Variants in DNAH8 observed in about 807,000 individuals in gnomAD.
DNAH8 encodes dynein axonemal heavy chain 8.
A neutral mutation model predicts 562.1 loss-of-function variants in DNAH8; 382 were observed. The ratio of observed to expected loss-of-function variants is 0.68; its 90% CI spans 0.63 to 0.74. The LOEUF is 0.74. Ranked by LOEUF, DNAH8 falls within the 30% of genes least tolerant of loss-of-function variation. The pLI is 0.00. For missense variants in DNAH8, 5,203 were observed against 5,620.4 expected (o/e 0.93, Z 2.37); for synonymous variants, 1,881 against 1,919.4 (o/e 0.98, Z 0.52).
intron 86 of DNAH8, among the ~76,000 whole-genome samples, 176 bp from the exon 87 acceptor site, chr6:38,984,030 A>G (rs1165152460): frequency 6.6e-6 from 1 of 152,184 alleles, no homozygotes; most frequent in Non-Finnish European, 1.5e-5. Flanking sequence ...AACAAACTGT[A>G]GTGGTTCCAG....
At chr6:38,930,099 G>A (rs913570669) in intron 75 of DNAH8, among the ~76,000 whole-genome samples, 2 of 152,182 alleles carry the variant, frequency 1.3e-5, no homozygotes, top group African/African-American at 4.8e-5. Context: ...TGGAGAAAAT[G>A]ACATTTTAAT....
Position 38,805,606 on chromosome 6 carries a change from G to C in DNAH8, c.3150+10G>C. 2 of 1,416,278 alleles carry C rather than the reference G, an allele frequency of 1.4e-6. No individual in the cohort carries two copies. Among genetic ancestry groups the C allele is most frequent in the Non-Finnish European group, 2.0e-6 (2 of 1,002,478 alleles). The allele number at this position is 1,416,278 out of a possible 1,614,324, so 87.7% of individuals were successfully genotyped here. A position where few individuals can be genotyped will look rare whatever the true frequency, so the allele number is the denominator to read the frequency against. On this transcript the variant is annotated intron_variant, in intron 23 of 92. Transcript: ENST00000327475. Reference sequence around the variant, plus strand: ...AGATGAATTTAAAAAGGTATTTATTGTGGAACAACTTCATGCAATTCACAG... The same window carrying C: ...AGATGAATTTAAAAAGGTATTTATTCTGGAACAACTTCATGCAATTCACAG...
chr6:38,759,466 T>C (rs1254056619), intron 10 of DNAH8, among the ~76,000 whole-genome samples: 4 of 152,220 alleles, frequency 2.6e-5, no homozygotes, highest in Admixed American at 2.6e-4. Flanking sequence ...GCTTAATCAC[T>C]ATGTCCTAAA....
chr6:38,838,498 A>G (rs1277561312), intron 33 of DNAH8, among the ~76,000 whole-genome samples: 1 of 151,712 alleles, frequency 6.6e-6, no homozygotes, highest in Non-Finnish European at 1.5e-5. Context: ...TCCCGGATTC[A>G]TGCTATTCTC....
intron 5 of DNAH8, among the ~76,000 whole-genome samples, chr6:38,736,526 A>G (rs1764101791): frequency 6.6e-6 from 1 of 152,168 alleles, no homozygotes; most frequent in Admixed American, 6.5e-5. Flanking sequence ...AAAAACCAGA[A>G]ATCATTTTTT....
chr6:38,917,305 A>G lies in DNAH8; in HGVS notation c.10207A>G (p.Ile3403Val), dbSNP rs1781378959. The G allele has an allele frequency of 7.4e-6, 12 of 1,613,566 alleles. No individual in the cohort carries two copies. The highest frequency in any genetic ancestry group is 1.0e-5 in the Non-Finnish European group (12 of 1,179,696). Reference protein sequence around the residue: ...LAKPPHLIMRIMDCVLLLFQK... With the variant: ...LAKPPHLIMRVMDCVLLLFQK... Reference sequence around the variant, plus strand: ...AAAACCACCACATCTTATTATGAGAATCATGGACTGTGTTCTGTTACTATT... The same window carrying G: ...AAAACCACCACATCTTATTATGAGAGTCATGGACTGTGTTCTGTTACTATT... Residue 3403 changes from isoleucine to valine, a missense_variant, in exon 69 of 93, where the codon ATC (isoleucine) becomes GTC (valine). Physicochemically the swap from Ile to Val is conservative, Grantham distance 29. Coordinates refer to ENST00000327475, the MANE Select transcript of DNAH8 (RefSeq NM_001206927.2).
chr6:38,720,782 T>C (rs1762690067), intron 1 of DNAH8, among the ~76,000 whole-genome samples: 2 of 152,118 alleles, frequency 1.3e-5, no homozygotes, highest in African/African-American at 4.8e-5. Context: ...GAAGGCAATA[T>C]GTGAACCCTC....
Position 38,837,955 on chromosome 6 carries a change from A to T in DNAH8, c.4379A>T (p.Asp1460Val), listed in dbSNP as rs1774434848. 6.2e-7 allele frequency: 1 copy of T among 1,612,030 alleles called. No homozygotes were observed. The highest frequency in any genetic ancestry group is 8.5e-7 in the Non-Finnish European group (1 of 1,178,776). Residue 1460 changes from aspartate to valine, a missense_variant, in exon 33 of 93, where the codon GAT becomes GTT. By Grantham distance (152) the Asp-to-Val change is radical. This residue lies in a region of DNAH8 where 2,176 missense variants were observed against 2,365.1 expected (regional missense o/e 0.92). Coordinates refer to ENST00000327475, the MANE Select transcript of DNAH8 (RefSeq NM_001206927.2). Reference sequence around the variant, plus strand: ...CCTTTGTTACAGGCCAGTTTCGATGATCTGTGGAGGAAATTTGTTACGTAT... The same window carrying T: ...CCTTTGTTACAGGCCAGTTTCGATGTTCTGTGGAGGAAATTTGTTACGTAT... ...RLQIFQASFD[D>V]LWRKFVTYSS...
chr6:38,794,970 CT>C (rs1262947515), intron 21 of DNAH8, among the ~76,000 whole-genome samples: 1 of 151,986 alleles, frequency 6.6e-6, no homozygotes, highest in Non-Finnish European at 1.5e-5. Flanking sequence ...TAGAAATTGT[CT>C]TTTTAGAGTT....
intron 60 of DNAH8, among the ~76,000 whole-genome samples, chr6:38,896,900 C>G (rs545927789): frequency 6.6e-6 from 1 of 152,308 alleles, no homozygotes; most frequent in African/African-American, 2.4e-5. Flanking sequence ...ATTCTCCTGC[C>G]TCAGCCTCCC....
chr6:38,956,290 A>G (rs1326617031), intron 82 of DNAH8, among the ~76,000 whole-genome samples: 1 of 152,134 alleles, frequency 6.6e-6, no homozygotes, highest in Non-Finnish European at 1.5e-5. Context: ...TCAGGGAACT[A>G]TCCTACCTGT....
In DNAH8 at chr6:38,848,787, A is replaced by G. The variant is rs148767488; in HGVS notation, c.5185A>G (p.Lys1729Glu). The stretch of plus-strand genomic sequence containing the variant: ...CGTCTTTGTAGGTGGAGATATTGCC[A>G]AACAGCTGCCTCAGGTAAATATGGC... ...EAVFVGGDIA[K>E]QLPQEAKRFQ... Residue 1729 changes from lysine (K) to glutamate (E), a missense_variant, in exon 37 of 93, where the codon AAA becomes GAA. Around this residue, in one of 6 missense-constraint regions of DNAH8, gnomAD observed 2,176 missense variants for 2,365.1 expected, o/e 0.92. Transcript: ENST00000327475. 6.2e-7 allele frequency: 1 copy of G among 1,613,422 alleles called. No homozygotes were observed. The highest frequency in any genetic ancestry group is 1.7e-5 in the Admixed American group (1 of 59,988).
rs545201933 is a variant in DNAH8, at chr6:38,874,469, G to A, written c.7620+1093G>A. On this transcript the variant is annotated intron_variant, in intron 52 of 92. Coordinates refer to ENST00000327475, the MANE Select transcript of DNAH8 (RefSeq NM_001206927.2). The stretch of plus-strand genomic sequence containing the variant: ...ACTGCAACCTTGAAGTCCTGGGCTC[G>A]AGCTGTCCTCCTGCCTTAGCCTTTG... Among the ~76,000 whole-genome samples the A allele has an allele frequency of 9.9e-5, 15 of 151,252 alleles. No individual in the cohort carries two copies. The South Asian group carries it at 2.7e-3, about 28-fold the overall frequency.
intron 24 of DNAH8, among the ~76,000 whole-genome samples, chr6:38,812,056 T>C (rs1275714402): frequency 1.3e-5 from 2 of 152,200 alleles, no homozygotes; most frequent in Non-Finnish European, 2.9e-5. Flanking sequence ...GCATTTTGTC[T>C]TGCAGCATCA....
At chr6:38,945,270 G>A (rs551930372) in intron 79 of DNAH8, among the ~76,000 whole-genome samples, 197 bp from the exon 80 acceptor site, 1 of 152,122 alleles carries the variant, frequency 6.6e-6, no homozygotes, top group African/African-American at 2.4e-5. Flanking sequence ...TTATAAGATG[G>A]TATAAATCAG....
chr6:38,815,462 C>G lies in DNAH8; in HGVS notation c.3334-6C>G, dbSNP rs1259414756. On this transcript the variant is annotated splice_region_variant and splice_polypyrimidine_tract_variant and intron_variant, in intron 25 of 92. Transcript: ENST00000327475. ...AGTATTACACATTTGTTTCTTCTTT[C>G]CACAGGTGATGATTCCTAGTTTGGA... 6.2e-7 allele frequency: 1 copy of G among 1,609,632 alleles called. No individual in the cohort carries two copies. The highest frequency in any genetic ancestry group is 2.2e-5 in the East Asian group (1 of 44,808).
chr6:38,937,943 T>C (rs1203248053), intron 77 of DNAH8, 31 bp from the exon 78 acceptor site: 3 of 1,609,612 alleles, frequency 1.9e-6, no homozygotes, highest in Non-Finnish European at 2.5e-6. Context: ...TCCCGTCTTG[T>C]GTACTACGGT....
chr6:38,971,196 G>C (rs1318112925), intron 82 of DNAH8, among the ~76,000 whole-genome samples: 2 of 152,112 alleles, frequency 1.3e-5, no homozygotes, highest in Non-Finnish European at 2.9e-5. Flanking sequence ...CTGCTAAAAC[G>C]CCGAAAAGGA....
chr6:38,762,280 T>G (rs1766596022), intron 11 of DNAH8, among the ~76,000 whole-genome samples: 1 of 152,192 alleles, frequency 6.6e-6, no homozygotes, highest in Admixed American at 6.5e-5. Flanking sequence ...TTTTTTAAAG[T>G]TATGAATGGG....
Sources: allele counts gnomAD v4.1 joint callset (sites outside exome capture counted in the v4.1 genomes callset), GRCh38; gene constraint gnomAD v4.1.1; regional missense constraint gnomAD v4.1.1; transcripts MANE v1.5; gene names NCBI Gene and HGNC (gene_info 2026-07-23, HGNC 2026-07-21).